MAGI3: variants seen among roughly 807,000 people sequenced by gnomAD.
The protein encoded by MAGI3 is membrane-associated guanylate kinase, WW and PDZ domain-containing protein 3.
In MAGI3, 43 loss-of-function variants were observed where a neutral mutation model predicts 121.8. The observed-to-expected ratio is 0.35, with a 90% CI of 0.28 to 0.46. MAGI3 has a LOEUF of 0.46. Among genes scored for constraint, MAGI3 ranks in the 20% least tolerant of loss-of-function variants. The pLI, the probability that MAGI3 is intolerant of heterozygous loss-of-function variation, is 1.00. For missense variants in MAGI3, 1,547 were observed against 1,797.3 expected (o/e 0.86, Z 2.52); for synonymous variants, 553 against 639.3 (o/e 0.86, Z 2.04).
intron 1 of MAGI3, among the ~76,000 whole-genome samples, chr1:113,418,614 G>A (rs917869510): frequency 6.6e-6 from 1 of 151,872 alleles, no homozygotes; most frequent in African/African-American, 2.4e-5. Flanking sequence ...TTATAAATAT[G>A]CCATCTTCTT....
intron 1 of MAGI3, among the ~76,000 whole-genome samples, chr1:113,403,032 A>G (rs999475662): frequency 1.3e-5 from 2 of 152,120 alleles, no homozygotes; most frequent in South Asian, 2.1e-4. Flanking sequence ...CTCCTTTGCA[A>G]TATCAGTCAG....
intron 1 of MAGI3, among the ~76,000 whole-genome samples, chr1:113,539,280 C>G (rs1166628458): frequency 6.6e-6 from 1 of 151,510 alleles, no homozygotes; most frequent in Non-Finnish European, 1.5e-5. Flanking sequence ...GTAGTCCCAG[C>G]TGCTCGGGAG....
intron 9 of MAGI3, among the ~76,000 whole-genome samples, chr1:113,636,963 A>G (rs1336890757): frequency 6.6e-6 from 1 of 152,106 alleles, no homozygotes; most frequent in Admixed American, 6.5e-5. Flanking sequence ...TGTTGAATTG[A>G]TCCCTTTACC....
At chr1:113,435,087 CT>C (rs1653500765) in intron 1 of MAGI3, among the ~76,000 whole-genome samples, 1 of 152,068 alleles carries the variant, frequency 6.6e-6, no homozygotes, top group Non-Finnish European at 1.5e-5. Flanking sequence ...GTAGTTAACT[CT>C]TTTCTTGGTT....
At chr1:113,638,388 T>A (rs553535228) in intron 9 of MAGI3, among the ~76,000 whole-genome samples, 1 of 152,232 alleles carries the variant, frequency 6.6e-6, no homozygotes, top group Non-Finnish European at 1.5e-5. Flanking sequence ...TTGATGATGG[T>A]GATGTACAGA....
intron 2 of MAGI3, among the ~76,000 whole-genome samples, chr1:113,564,245 G>A (rs1170823256): frequency 6.6e-6 from 1 of 152,170 alleles, no homozygotes; most frequent in African/African-American, 2.4e-5. Context: ...CTTCCAATGA[G>A]AGGTGGGATG....
chr1:113,450,376 G>A, intron 1 of MAGI3: 2 of 1,172,658 alleles, frequency 1.7e-6, no homozygotes, highest in Non-Finnish European at 2.6e-6. Context: ...GGTAGTTATG[G>A]AGGAGGTGAT....
At chr1:113,465,043 C>T (rs940439806) in intron 1 of MAGI3, among the ~76,000 whole-genome samples, 4 of 152,172 alleles carry the variant, frequency 2.6e-5, no homozygotes, top group East Asian at 1.9e-4. Context: ...CTTGTGCTTT[C>T]GACATCCTAC....
intron 1 of MAGI3, among the ~76,000 whole-genome samples, chr1:113,456,987 A>G (rs1654792453): frequency 6.6e-6 from 1 of 152,218 alleles, no homozygotes; most frequent in African/African-American, 2.4e-5. Flanking sequence ...ACCAAAGAGA[A>G]AATTAAAAAC....
At chr1:113,436,259 A>G (rs1427359405) in intron 1 of MAGI3, among the ~76,000 whole-genome samples, 1 of 152,112 alleles carries the variant, frequency 6.6e-6, no homozygotes, top group East Asian at 1.9e-4. Context: ...GTTTTGTAAG[A>G]AATAATTTTC....
Position 113,580,537 on chromosome 1 carries a change from CT to C in MAGI3, c.434-3del. On this transcript the variant is annotated splice_region_variant and splice_polypyrimidine_tract_variant and intron_variant, in intron 2 of 20. Coordinates refer to ENST00000307546, the MANE Select transcript of MAGI3 (RefSeq NM_001142782.2). The stretch of plus-strand genomic sequence containing the variant: ...CAACCTACTTTTTTTTTTCTTTTTT[CT>C]TAGGCACTACAAGGGCCCCCAGGGA... The C allele has an allele frequency of 6.4e-7, 1 of 1,565,096 alleles. No homozygotes were observed. Among genetic ancestry groups the C allele is most frequent in the Admixed American group, 2.0e-5 (1 of 49,452 alleles).
intron 12 of MAGI3, among the ~76,000 whole-genome samples, chr1:113,648,326 C>T (rs1183635629): frequency 6.6e-6 from 1 of 152,052 alleles, no homozygotes; most frequent in Non-Finnish European, 1.5e-5. Context: ...TCTCTCTTTA[C>T]AGTAAATACT....
At position 113,625,119 on chromosome 1, in the gene MAGI3, A is replaced by G. The variant is rs145569544; in HGVS notation, c.1360+2125A>G. Among the ~76,000 whole-genome samples the G allele has an allele frequency of 4.3e-4, 65 of 152,320 alleles. No individual in the cohort carries two copies. The East Asian group carries it at 0.012, about 27-fold the overall frequency. On this transcript the variant is annotated intron_variant, in intron 9 of 20. Transcript: ENST00000307546. ...TAGCTCTGTAGTATAATTTGAAGTC[A>G]GGTAATGTGATTCCTCCAGTTGTGT... is the stretch of plus-strand genomic sequence containing the variant.
intron 8 of MAGI3, among the ~76,000 whole-genome samples, chr1:113,622,425 T>C (rs1182146579): frequency 1.3e-5 from 2 of 152,208 alleles, no homozygotes; most frequent in African/African-American, 4.8e-5. Context: ...AGTAAAAAGA[T>C]TCACTCCTTC....
intron 5 of MAGI3, among the ~76,000 whole-genome samples, chr1:113,592,479 C>T (rs1324725647): frequency 6.6e-6 from 1 of 152,016 alleles, no homozygotes; most frequent in Non-Finnish European, 1.5e-5. Context: ...TCTCAAGTGG[C>T]AGTTTTTAGT....
At chr1:113,597,326 T>C (rs78749904) in intron 6 of MAGI3, among the ~76,000 whole-genome samples, 2,796 of 152,278 alleles carry the variant, frequency 0.018, 37 homozygotes, top group Middle Eastern at 0.048. Context: ...GAATAGAGAT[T>C]AACTGTTAAC....
chr1:113,634,613 T>C (rs1188666259), intron 9 of MAGI3, among the ~76,000 whole-genome samples: 2 of 152,224 alleles, frequency 1.3e-5, no homozygotes, highest in African/African-American at 2.4e-5. Context: ...TTGGTACCAG[T>C]ACCATGCTGT....
intron 1 of MAGI3, among the ~76,000 whole-genome samples, chr1:113,510,824 C>T (rs1016106791): frequency 6.6e-6 from 1 of 152,198 alleles, no homozygotes; most frequent in Non-Finnish European, 1.5e-5. Context: ...GCTGTTTCCA[C>T]ACCTGCCTTT....
chr1:113,526,496 T>A (rs144193419), intron 1 of MAGI3, among the ~76,000 whole-genome samples: 1 of 152,308 alleles, frequency 6.6e-6, no homozygotes, highest in African/African-American at 2.4e-5. Flanking sequence ...ATTTGAGGAA[T>A]GTCAGAATGA....
Sources: gnomAD v4.1 joint callset for allele counts (sites outside exome capture counted in the v4.1 genomes callset) on GRCh38, gnomAD v4.1.1 for gene constraint, MANE v1.5 for transcripts, NCBI Gene and HGNC (gene_info 2026-07-23, HGNC 2026-07-21) for gene names.